The following TENM1 variants were observed in gnomAD, a reference collection of about 807,000 sequenced individuals.
TENM1 encodes teneurin transmembrane protein 1.
Under a neutral mutation model 174.8 loss-of-function variants are expected in TENM1, and 35 were observed. The ratio of observed to expected loss-of-function variants is 0.20; its 90% CI spans 0.15 to 0.27. The LOEUF (loss-of-function observed/expected upper bound fraction) is 0.27. Ranked by LOEUF, TENM1 falls within the 10% of genes least tolerant of loss-of-function variation. The probability of loss-of-function intolerance (pLI) is 1.00; values close to 1 mark genes in which losing one functional copy is unlikely to be tolerated. For synonymous variants in TENM1, 781 were observed against 798.7 expected (o/e 0.98, Z 0.37); for missense variants, 1,633 against 2,130.1 (o/e 0.77, Z 4.59).
At chrX:125,023,110 T>C in the TENM1 span, among the ~76,000 whole-genome samples, 1 of 111,276 alleles carries the variant, frequency 9.0e-6, no homozygotes, top group East Asian at 2.9e-4. Flanking sequence ...TTAGGCTTTG[T>C]GTTCTCACCC....
intron 3 of TENM1, among the ~76,000 whole-genome samples, chrX:124,783,913 T>A (rs757156200): frequency 8.9e-6 from 1 of 111,736 alleles, no homozygotes; most frequent in Admixed American, 9.5e-5. Context: ...ATATTCTGTA[T>A]ATAAACTCTG....
chrX:124,705,190 A>G, exon 5 of TENM1: 1 of 1,210,724 alleles, frequency 8.3e-7, no homozygotes, highest in South Asian at 1.8e-5. Context: ...GTCAGAGGGT[A>G]GTTCTGACTG....
chrX:125,173,196 T>TA, the TENM1 span, among the ~76,000 whole-genome samples: 1 of 111,567 alleles, frequency 9.0e-6, no homozygotes, highest in Non-Finnish European at 1.9e-5. Flanking sequence ...ATCAATATAA[T>TA]TTGTGGTGTC....
intron 15 of TENM1, among the ~76,000 whole-genome samples, chrX:124,543,166 G>A (rs960925008): frequency 8.9e-6 from 1 of 112,486 alleles, no homozygotes; most frequent in Middle Eastern, 4.2e-3. Context: ...GCCCTTAAGC[G>A]TCAGACCACC....
At chrX:124,685,561 G>GTTTTTTTTTTTTTTTT (rs201481902) in intron 5 of TENM1, among the ~76,000 whole-genome samples, 6 of 94,481 alleles carry the variant, frequency 6.4e-5, no homozygotes, top group Admixed American at 1.1e-4. Context: ...AAGCAAATCT[G>GTTTTTTTTTTTTTTTT]TTTTTTTTTT....
chrX:124,964,236 G>A (rs2058697298), upstream of TENM1, among the ~76,000 whole-genome samples: 1 of 112,391 alleles, frequency 8.9e-6, no homozygotes, highest in Non-Finnish European at 1.9e-5. Context: ...AAACTGGTAA[G>A]AGAACTACAT....
chrX:124,545,899 T>C (rs914036046), intron 15 of TENM1, among the ~76,000 whole-genome samples: 1 of 112,082 alleles, frequency 8.9e-6, no homozygotes, highest in Non-Finnish European at 1.9e-5. Context: ...TTTAAACTTT[T>C]AAGTTTCAAT....
intron 3 of TENM1, among the ~76,000 whole-genome samples, chrX:124,816,809 T>C (rs1209374462): frequency 1.8e-5 from 2 of 111,027 alleles, no homozygotes; most frequent in African/African-American, 6.5e-5. Flanking sequence ...AATCTGCCAT[T>C]TTCCTCTTTT....
rs765264600 is a variant in TENM1 at position 124,614,597 on chromosome X, A to T, written c.2077+27194T>A. Among the ~76,000 whole-genome samples the T allele has an allele frequency of 3.6e-5, 4 of 112,534 alleles. No homozygotes were observed. The East Asian group carries it at 1.1e-3, about 32-fold the overall frequency. On this transcript the variant is annotated intron_variant, in intron 11 of 31. Coordinates refer to ENST00000422452, the Ensembl canonical transcript of TENM1. ...CAACATTTTAGAAGTACTGAGTGGT[A>T]ACAGGCTGGGCGTGGTGGCTCACGC...
At chrX:124,508,715 G>A (rs1397647547) in intron 18 of TENM1, among the ~76,000 whole-genome samples, 2 of 111,607 alleles carry the variant, frequency 1.8e-5, no homozygotes. Flanking sequence ...TGGCTGCTTT[G>A]TCCAAGCCTA....
the TENM1 span, among the ~76,000 whole-genome samples, chrX:125,192,234 G>C: frequency 8.9e-6 from 1 of 112,420 alleles, no homozygotes; most frequent in Non-Finnish European, 1.9e-5. Context: ...TGCATGGCAT[G>C]TTTAAAGAAC....
intron 5 of TENM1, among the ~76,000 whole-genome samples, chrX:124,700,594 A>G (rs1166930819): frequency 9.0e-6 from 1 of 111,505 alleles, no homozygotes; most frequent in Non-Finnish European, 1.9e-5. Flanking sequence ...CTATAAGTGA[A>G]AGAGTTGGGC....
exon 32 of TENM1, chrX:124,380,498 A>G: frequency 4.4e-6 from 5 of 1,142,833 alleles, no homozygotes; most frequent in Non-Finnish European, 5.8e-6. Flanking sequence ...TTTTAAAAAC[A>G]GGCAGTCTTT....
chrX:125,047,905 C>T, the TENM1 span, among the ~76,000 whole-genome samples: 1 of 111,119 alleles, frequency 9.0e-6, no homozygotes, highest in Non-Finnish European at 1.9e-5. Context: ...TACTTGTTAA[C>T]TGGAACACAT....
the TENM1 span, among the ~76,000 whole-genome samples, chrX:125,140,257 T>TA: frequency 8.9e-6 from 1 of 111,989 alleles, no homozygotes; most frequent in Non-Finnish European, 1.9e-5. Flanking sequence ...TATTCAGCCA[T>TA]AAAAAATGAA....
chrX:124,585,342 G>C (rs2049470549), intron 11 of TENM1, among the ~76,000 whole-genome samples: 1 of 111,402 alleles, frequency 9.0e-6, no homozygotes, highest in Non-Finnish European at 1.9e-5. Context: ...CTGTCTCTCA[G>C]ACCACAGTGC....
At chrX:124,693,302 T>C (rs1176435707) in intron 5 of TENM1, among the ~76,000 whole-genome samples, 2 of 111,492 alleles carry the variant, frequency 1.8e-5, no homozygotes, top group Non-Finnish European at 3.8e-5. Context: ...CTATTATTTC[T>C]GGAAAATTTT....
intron 1 of TENM1, among the ~76,000 whole-genome samples, chrX:124,911,369 C>T (rs1031525240): frequency 3.6e-5 from 4 of 111,238 alleles, no homozygotes; most frequent in Non-Finnish European, 7.5e-5. Flanking sequence ...CCTCTTCCCT[C>T]GAAGGGCTGA....
At chrX:124,931,163 G>A (rs2058164371) in intron 1 of TENM1, among the ~76,000 whole-genome samples, 1 of 110,094 alleles carries the variant, frequency 9.1e-6, no homozygotes, top group South Asian at 3.9e-4. Context: ...TTTTATGGAG[G>A]CTTTTAAAAG....
Sources: gnomAD v4.1 joint callset for allele counts (sites outside exome capture counted in the v4.1 genomes callset) on GRCh38, gnomAD v4.1.1 for gene constraint, MANE v1.5 for transcripts, NCBI Gene and HGNC (gene_info 2026-07-23, HGNC 2026-07-21) for gene names.